Variants in GAS2 observed in about 807,000 individuals in gnomAD.
GAS2 encodes growth arrest-specific protein 2.
Under a neutral mutation model 37.5 loss-of-function variants are expected in GAS2, and 20 were observed. The ratio of observed to expected loss-of-function variants is 0.53; its 90% CI spans 0.37 to 0.77. The LOEUF is 0.77. Among genes scored for constraint, GAS2 ranks in the 30% least tolerant of loss-of-function variants. The probability of loss-of-function intolerance (pLI) is 0.00; values close to 1 mark genes in which losing one functional copy is unlikely to be tolerated. For synonymous variants in GAS2, 144 were observed against 132.2 expected (o/e 1.09, Z -0.61); for missense variants, 336 against 373.4 (o/e 0.90, Z 0.82).
At chr11:22,747,448 C>G (rs1853470211) in intron 5 of GAS2, among the ~76,000 whole-genome samples, 1 of 152,116 alleles carries the variant, frequency 6.6e-6, no homozygotes, top group East Asian at 1.9e-4. Flanking sequence ...AATCTGTGAA[C>G]TAGAGTCTGT....
intron 7 of GAS2, among the ~76,000 whole-genome samples, chr11:22,793,274 CA>C (rs200216204): frequency 6.7e-6 from 1 of 150,176 alleles, no homozygotes; most frequent in South Asian, 2.1e-4. Flanking sequence ...AACTCCATCT[CA>C]AAAAAAATAA....
intron 1 of GAS2, among the ~76,000 whole-genome samples, chr11:22,669,760 G>T (rs1849129006): frequency 6.6e-6 from 1 of 152,140 alleles, no homozygotes; most frequent in Admixed American, 6.5e-5. Context: ...CTACCATTAA[G>T]TGTCATTTTG....
intron 7 of GAS2, among the ~76,000 whole-genome samples, chr11:22,791,091 C>G (rs1470430103): frequency 6.6e-6 from 1 of 152,104 alleles, no homozygotes; most frequent in African/African-American, 2.4e-5. Flanking sequence ...AAGATTAAAT[C>G]CCCTTCCTGA....
At chr11:22,731,117 TAC>T (rs1852453286) in intron 4 of GAS2, among the ~76,000 whole-genome samples, 1 of 151,890 alleles carries the variant, frequency 6.6e-6, no homozygotes. Context: ...AGTCTTGCTG[TAC>T]AGTTTATTAT....
At chr11:22,659,631 G>A (rs1343053913) in intron 1 of GAS2, among the ~76,000 whole-genome samples, 1 of 152,100 alleles carries the variant, frequency 6.6e-6, no homozygotes, top group Non-Finnish European at 1.5e-5. Flanking sequence ...ACCACATGGG[G>A]CAGCTCATCT....
chr11:22,650,993 G>T (rs1848768429), intron 1 of GAS2, among the ~76,000 whole-genome samples: 3 of 152,144 alleles, frequency 2.0e-5, no homozygotes, highest in Admixed American at 6.5e-5. Flanking sequence ...CTCATTAGTT[G>T]ATGCAGTTTC....
upstream of GAS2, among the ~76,000 whole-genome samples, chr11:22,663,110 G>T (rs1416903753): frequency 1.3e-5 from 2 of 152,112 alleles, no homozygotes; most frequent in Non-Finnish European, 2.9e-5. Context: ...GAGAGAAAGA[G>T]AGAGGGGAAG....
intron 7 of GAS2, among the ~76,000 whole-genome samples, chr11:22,791,750 C>G (rs1367837017): frequency 2.6e-5 from 4 of 152,132 alleles, no homozygotes; most frequent in Non-Finnish European, 5.9e-5. Flanking sequence ...AGCTTTGCCT[C>G]CCTACACATA....
At position 22,726,509 on chromosome 11, in the gene GAS2, A is replaced by G. The variant is rs559858705; in HGVS notation, c.409+76A>G. The G allele has an allele frequency of 7.5e-6, 10 of 1,331,330 alleles. No individual in the cohort carries two copies. The East Asian group carries it at 1.9e-4, about 25-fold the overall frequency. The allele number at this position is 1,331,330 out of a possible 1,614,324, so 82.5% of individuals were successfully genotyped here. A position where few individuals can be genotyped will look rare whatever the true frequency, so the allele number is the denominator to read the frequency against. ...TGTCTTTGTCAGTATAGCCATCAAA[A>G]AGTTTTTTGTATGATGTCATTTTGC... is the stretch of plus-strand genomic sequence containing the variant. On this transcript the variant is annotated intron_variant, in intron 4 of 7. Transcript: ENST00000454584.
intron 7 of GAS2, among the ~76,000 whole-genome samples, chr11:22,800,320 C>A (rs1856607256): frequency 6.6e-6 from 1 of 152,094 alleles, no homozygotes; most frequent in Non-Finnish European, 1.5e-5. Flanking sequence ...ATGTCCTCCC[C>A]TTACCCCTAC....
intron 6 of GAS2, among the ~76,000 whole-genome samples, chr11:22,753,229 C>A (rs1853844513): frequency 1.3e-5 from 2 of 152,136 alleles, no homozygotes; most frequent in South Asian, 4.1e-4. Context: ...ATGTAAGAAG[C>A]ACAGATGTCA....
intron 7 of GAS2, among the ~76,000 whole-genome samples, chr11:22,766,408 G>A (rs552014499): frequency 5.9e-5 from 9 of 151,898 alleles, no homozygotes; most frequent in Non-Finnish European, 1.3e-4. Flanking sequence ...CAGAGCCCAC[G>A]GTTTTAATTA....
In GAS2 at chr11:22,812,030, T is replaced by C. The variant is rs1190792190; in HGVS notation, c.*14T>C. 6.3e-7 allele frequency: 1 copy of C among 1,596,640 alleles called. No homozygotes were observed. Among genetic ancestry groups the C allele is most frequent in the South Asian group, 1.1e-5 (1 of 90,710 alleles). ...GAAATTAAGTGAAACAAATTGGTCA[T>C]GACAAGGGGACCCTCATAATGGCCT... On this transcript the variant is annotated 3_prime_UTR_variant, in exon 8 of 8. Transcript: ENST00000454584.
chr11:22,641,264 A>ATATC (rs1296181338), intron 1 of GAS2, among the ~76,000 whole-genome samples: 1,987 of 141,694 alleles, frequency 0.014, 39 homozygotes, highest in African/African-American at 0.048. Flanking sequence ...ATCTTTATAT[A>ATATC]TATATCTTTA....
chr11:22,783,885 C>T (rs1340278321), intron 7 of GAS2, among the ~76,000 whole-genome samples: 5 of 152,088 alleles, frequency 3.3e-5, no homozygotes, highest in Non-Finnish European at 5.9e-5. Context: ...ATCCAAGCAG[C>T]GTTTATTGAA....
chr11:22,808,376 G>A lies in GAS2; in HGVS notation c.724-3422G>A, dbSNP rs113845521. Among the ~76,000 whole-genome samples the A allele has an allele frequency of 6.3e-3, 957 of 152,224 alleles. 8 individuals are homozygous for A. The highest frequency in any genetic ancestry group is 0.017 in the Middle Eastern group (5 of 294). On this transcript the variant is annotated intron_variant, in intron 7 of 7. Transcript: ENST00000454584. Reference sequence around the variant, plus strand: ...CCCTATTGACTGTGGTAAGAATATTGGACTGAAACCAACATCTGCAGTAGA... The same window carrying A: ...CCCTATTGACTGTGGTAAGAATATTAGACTGAAACCAACATCTGCAGTAGA...
At chr11:22,799,625 A>T (rs976321354) in intron 7 of GAS2, among the ~76,000 whole-genome samples, 4 of 152,100 alleles carry the variant, frequency 2.6e-5, no homozygotes, top group African/African-American at 7.2e-5. Context: ...GGTCTGAATT[A>T]TCATTCACAC....
intron 7 of GAS2, among the ~76,000 whole-genome samples, chr11:22,764,115 C>T (rs536386687): frequency 2.4e-4 from 36 of 152,246 alleles, no homozygotes; most frequent in African/African-American, 8.7e-4. Flanking sequence ...TAAGTAATAA[C>T]TAACCATTGC....
chr11:22,724,803 T>C (rs535918155), intron 3 of GAS2, among the ~76,000 whole-genome samples: 1 of 152,178 alleles, frequency 6.6e-6, no homozygotes, highest in African/African-American at 2.4e-5. Context: ...TTAAGTGATG[T>C]GGTAACTGAA....
Sources: gnomAD v4.1 joint callset for allele counts (sites outside exome capture counted in the v4.1 genomes callset) on GRCh38, gnomAD v4.1.1 for gene constraint, MANE v1.5 for transcripts, NCBI Gene and HGNC (gene_info 2026-07-23, HGNC 2026-07-21) for gene names.